Variants in CFAP61 observed in about 807,000 individuals in gnomAD.
CFAP61 encodes the protein cilia- and flagella-associated protein 61.
Under a neutral mutation model 135.6 loss-of-function variants are expected in CFAP61, and 107 were observed. That is an observed-to-expected ratio of 0.79 (90% CI 0.67 to 0.93). The LOEUF (loss-of-function observed/expected upper bound fraction) is 0.93. Ranked by LOEUF, CFAP61 falls within the 40% of genes least tolerant of loss-of-function variation. The pLI is 0.00. For synonymous variants in CFAP61, 575 were observed against 578.5 expected (o/e 0.99, Z 0.09); for missense variants, 1,507 against 1,556.2 (o/e 0.97, Z 0.53).
rs142624958 is a variant in CFAP61, at chr20:20,083,359, G to A, written c.567-7485G>A. 3.2e-3 allele frequency among the ~76,000 whole-genome samples: 493 copies of A among 151,888 alleles called. 5 individuals carry two copies. The highest frequency in any genetic ancestry group is 0.011 in the African/African-American group (470 of 41,394). ...GCTGGGGAGGGGGAGGTTCGGAGGG[G>A]GTGAGGAATAAAATCCAACCTATTG... On this transcript the variant is annotated intron_variant, in intron 6 of 26. Transcript: ENST00000245957.
At chr20:20,196,859 C>A in intron 16 of CFAP61, 83 bp downstream of exon 16, 3 of 1,189,402 alleles carry the variant, frequency 2.5e-6, no homozygotes, top group Non-Finnish European at 2.5e-6. Context: ...CTATTCATTC[C>A]TCTCATGATG....
chr20:20,272,506 A>G (rs563846804), intron 21 of CFAP61, among the ~76,000 whole-genome samples: 6 of 152,314 alleles, frequency 3.9e-5, no homozygotes, highest in South Asian at 2.1e-4. Context: ...AACTGGGGCT[A>G]TCTTACCTGT....
chr20:20,075,126 C>CA (rs2045960692), intron 4 of CFAP61, 63 bp from the exon 5 acceptor site: 2 of 1,481,892 alleles, frequency 1.3e-6, no homozygotes, highest in African/African-American at 1.4e-5. Context: ...TTGTCTTCAT[C>CA]AAGTGCCAGC....
chr20:20,142,720 C>G, intron 8 of CFAP61, 137 bp from the exon 9 acceptor site: 1 of 612,778 alleles, frequency 1.6e-6, no homozygotes, highest in Admixed American at 2.9e-5. Context: ...CTTCCCACCT[C>G]AAGGTACTGC....
intron 8 of CFAP61, among the ~76,000 whole-genome samples, chr20:20,137,627 G>A (rs543307552): frequency 4.1e-4 from 63 of 152,076 alleles, no homozygotes; most frequent in Non-Finnish European, 7.6e-4. Context: ...TTCAGGCCTG[G>A]GACTCATCCT....
chr20:20,166,376 T>G, intron 11 of CFAP61, 21 bp from the exon 12 acceptor site: 3 of 1,611,532 alleles, frequency 1.9e-6, no homozygotes, highest in Non-Finnish European at 2.5e-6. Context: ...GCACTGACAG[T>G]GCTTACTGTC....
chr20:20,275,077 A>G (rs78353690), intron 21 of CFAP61, among the ~76,000 whole-genome samples: 6,019 of 152,184 alleles, frequency 0.04, 418 homozygotes, highest in African/African-American at 0.14. Flanking sequence ...AGTGGATATG[A>G]TGTGGGCAGA....
chr20:20,199,694 A>T (rs1342307551), intron 16 of CFAP61, 74 bp from the exon 17 acceptor site: 1 of 1,518,034 alleles, frequency 6.6e-7, no homozygotes, highest in East Asian at 2.3e-5. Flanking sequence ...TTGTATTTGT[A>T]AAGCTGTACG....
At chr20:20,270,971 C>T (rs1410034496) in intron 21 of CFAP61, among the ~76,000 whole-genome samples, 1 of 152,124 alleles carries the variant, frequency 6.6e-6, no homozygotes, top group Non-Finnish European at 1.5e-5. Flanking sequence ...CGCACCCAGC[C>T]CCAGGTTGAA....
At position 20,196,646 on chromosome 20, in the gene CFAP61, G is replaced by A. The variant is rs1045451131; in HGVS notation, c.1667G>A (p.Gly556Glu). Residue 556 changes from glycine (G) to glutamate (E), a missense_variant, in exon 16 of 27, where the codon GGG (glycine) becomes GAG (glutamate). Gly to Glu is a moderately conservative substitution (Grantham distance 98). Transcript: ENST00000245957. ...YFSHHQREEH[G>E]HMHHFALNPI... is the part of the protein sequence containing the mutation. The stretch of plus-strand genomic sequence containing the variant: ...AGTCACCACCAGCGCGAAGAACACG[G>A]GCACATGCATCACTTTGCCCTCAAC... The A allele has an allele frequency of 3.7e-6, 6 of 1,614,036 alleles. No individual in the cohort carries two copies. The highest frequency in any genetic ancestry group is 5.1e-6 in the Non-Finnish European group (6 of 1,180,014).
intron 25 of CFAP61, among the ~76,000 whole-genome samples, chr20:20,333,887 G>T (rs1452670962): frequency 6.6e-6 from 1 of 152,190 alleles, no homozygotes; most frequent in African/African-American, 2.4e-5. Flanking sequence ...AGAGAGCTCA[G>T]CCTCCCTCCC....
intron 26 of CFAP61, among the ~76,000 whole-genome samples, chr20:20,349,283 C>CATG (rs2058748362): frequency 6.6e-6 from 1 of 152,172 alleles, no homozygotes; most frequent in Non-Finnish European, 1.5e-5. Context: ...ACATGAAGTA[C>CATG]ATGTACTGAC....
chr20:20,187,877 G>A lies in CFAP61; in HGVS notation c.1386-53G>A, dbSNP rs1037180741. The A allele has an allele frequency of 3.6e-6, 5 of 1,394,966 alleles. No homozygotes were observed. The African/African-American group carries it at 5.7e-5, about 16-fold the overall frequency. 86.4% of individuals were successfully genotyped at this position (1,394,966 alleles called of 1,614,324 possible). On this transcript the variant is annotated intron_variant, in intron 13 of 26. Transcript: ENST00000245957. The stretch of plus-strand genomic sequence containing the variant: ...TATTACAATTCTGTCTCCATTTGGG[G>A]GGAATACATATTTAGTACTTTAACT...
chr20:20,195,796 G>A (rs1439573345), intron 15 of CFAP61, among the ~76,000 whole-genome samples: 1 of 152,166 alleles, frequency 6.6e-6, no homozygotes, highest in Admixed American at 6.5e-5. Context: ...TGTATGATAT[G>A]GGGCCAGGCA....
chr20:20,088,594 CAT>C (rs973750839), intron 6 of CFAP61, among the ~76,000 whole-genome samples: 6 of 152,118 alleles, frequency 3.9e-5, no homozygotes, highest in African/African-American at 9.7e-5. Context: ...CCTCCCATGA[CAT>C]GTGGGGATTA....
chr20:20,295,768 G>C (rs1421865101), intron 24 of CFAP61, among the ~76,000 whole-genome samples: 1 of 151,596 alleles, frequency 6.6e-6, no homozygotes, highest in Non-Finnish European at 1.5e-5. Context: ...CCATGCAATG[G>C]TGTGAGTCAT....
chr20:20,155,726 C>T (rs2052847449), intron 9 of CFAP61, among the ~76,000 whole-genome samples: 1 of 152,138 alleles, frequency 6.6e-6, no homozygotes, highest in African/African-American at 2.4e-5. Flanking sequence ...GGAATGTCAC[C>T]TTACTCCTAC....
At chr20:20,057,070 A>G (rs1304656453) in intron 2 of CFAP61, among the ~76,000 whole-genome samples, 14 of 150,972 alleles carry the variant, frequency 9.3e-5, no homozygotes, top group Non-Finnish European at 1.5e-5. Context: ...GTGAGCCAAG[A>G]CACGCCACTG....
chr20:20,138,079 G>A (rs2051076400), intron 8 of CFAP61, among the ~76,000 whole-genome samples: 1 of 152,080 alleles, frequency 6.6e-6, no homozygotes. Flanking sequence ...GGGACCTTGT[G>A]ACTCTGCCAG....
Sources: gnomAD v4.1 joint callset for allele counts (sites outside exome capture counted in the v4.1 genomes callset) on GRCh38, gnomAD v4.1.1 for gene constraint, MANE v1.5 for transcripts, NCBI Gene and HGNC (gene_info 2026-07-23, HGNC 2026-07-21) for gene names.